Variants in LYRM1 observed in about 807,000 individuals in gnomAD.
LYRM1 encodes the protein LYR motif containing 1, also known as LYR motif-containing protein 1.
Under a neutral mutation model 14.9 loss-of-function variants are expected in LYRM1, and 14 were observed. That is an observed-to-expected ratio of 0.94 (90% CI 0.62 to 1.47). LYRM1 has a LOEUF of 1.47. Among genes scored for constraint, LYRM1 ranks in the 40% most tolerant of loss-of-function variants. The pLI is 0.00. For synonymous variants in LYRM1, 43 were observed against 56.2 expected (o/e 0.77, Z 1.05); for missense variants, 153 against 149.9 (o/e 1.02, Z -0.11).
rs1194951290 is a variant in LYRM1, at chr16:20,901,525, GA to G, written c.-1+637del. On this transcript the variant is annotated intron_variant, in intron 1 of 3. Transcript: ENST00000567954. This position sits in a 1 kb window ranked among gnomAD's most constrained non-coding sequence, Gnocchi z 4.6. ...TCCGAGACAATGGGTTTTCTGGGTG[GA>G]GAGAAGAGCCAATGAGAAGGACTTT... 3.3e-5 allele frequency among the ~76,000 whole-genome samples: 5 copies of G among 152,326 alleles called. No homozygotes were observed. Among genetic ancestry groups the G allele is most frequent in the South Asian group, 4.1e-4 (2 of 4,830 alleles).
At chr16:20,905,959 T>C (rs1002699169) in intron 1 of LYRM1, among the ~76,000 whole-genome samples, 1 of 152,212 alleles carries the variant, frequency 6.6e-6, no homozygotes. Flanking sequence ...GATGAGAACA[T>C]ACGTTATCAA....
intron 3 of LYRM1, 149 bp downstream of exon 3, chr16:20,920,363 G>A: frequency 1.5e-6 from 1 of 675,834 alleles, no homozygotes. Context: ...ATTGCATGCT[G>A]CCAGCCCATC....
At chr16:20,921,814 G>GC (rs1375829099) in intron 3 of LYRM1, 1 of 151,620 alleles carries the variant, frequency 6.6e-6, no homozygotes, top group Non-Finnish European at 1.5e-5. Context: ...TACAAAAACA[G>GC]CAATTTTATA....
intron 1 of LYRM1, among the ~76,000 whole-genome samples, chr16:20,907,562 G>A (rs1294304501): frequency 2.0e-5 from 3 of 151,698 alleles, no homozygotes; most frequent in East Asian, 1.9e-4. Flanking sequence ...GGATCTCCCC[G>A]TGTTGCCCAG....
intron 1 of LYRM1, chr16:20,902,371 AATC>A (rs1376462596): frequency 6.6e-6 from 1 of 152,242 alleles, no homozygotes; most frequent in Non-Finnish European, 1.5e-5. Flanking sequence ...GTCGGGGAAA[AATC>A]ATAGTTGGAG....
chr16:20,913,400 C>T lies in LYRM1; in HGVS notation c.1-2156C>T, dbSNP rs984488414. Among the ~76,000 whole-genome samples, 6 of 151,588 alleles carry T rather than the reference C, an allele frequency of 4.0e-5. No homozygotes were observed. The East Asian group carries it at 9.6e-4, about 24-fold the overall frequency. The stretch of plus-strand genomic sequence containing the variant: ...TGATCTTGGCACACTGCAACCTTCA[C>T]CTCCTGGGTTCAGGTGATTCTCGTG... On this transcript the variant is annotated intron_variant, in intron 1 of 3. Transcript: ENST00000567954.
In LYRM1 at chr16:20,901,386, G is replaced by A. The variant is rs915617868; in HGVS notation, c.-1+497G>A. Among the ~76,000 whole-genome samples, 1 of 152,220 alleles carries A rather than the reference G, an allele frequency of 6.6e-6. No individual in the cohort carries two copies. The highest frequency in any genetic ancestry group is 1.9e-4 in the East Asian group (1 of 5,202). On this transcript the variant is annotated intron_variant, in intron 1 of 3. Transcript: ENST00000567954. The surrounding 1 kb of genome is among the most constrained non-coding windows in gnomAD (Gnocchi z 4.6). The stretch of plus-strand genomic sequence containing the variant: ...GAGAGTTAAGTAAATCAATAAAGAA[G>A]GTATCAGCAAGTGAGAAATGCCCCC...
intron 1 of LYRM1, among the ~76,000 whole-genome samples, chr16:20,909,048 T>C (rs933329989): frequency 6.6e-5 from 10 of 152,352 alleles, no homozygotes; most frequent in African/African-American, 2.4e-4. Flanking sequence ...TTTTCTAATA[T>C]ACAGTTTGTA....
At chr16:20,904,879 G>A (rs537151046) in intron 1 of LYRM1, among the ~76,000 whole-genome samples, 2 of 152,276 alleles carry the variant, frequency 1.3e-5, no homozygotes, top group East Asian at 3.9e-4. Context: ...CAAGGAGTAA[G>A]AGATAAAGGA....
chr16:20,916,590 A>C (rs2082914382), intron 2 of LYRM1, among the ~76,000 whole-genome samples: 1 of 152,144 alleles, frequency 6.6e-6, no homozygotes, highest in Non-Finnish European at 1.5e-5. Flanking sequence ...GGCCTGTGCA[A>C]CATGCAGCCA....
intron 1 of LYRM1, among the ~76,000 whole-genome samples, chr16:20,914,281 T>C (rs1412893963): frequency 2.1e-5 from 3 of 142,250 alleles, no homozygotes; most frequent in African/African-American, 5.1e-5. Context: ...TCGTCACTTT[T>C]TTTTTTTTTT....
chr16:20,907,227 A>G (rs1301073018), intron 1 of LYRM1, among the ~76,000 whole-genome samples: 1 of 152,242 alleles, frequency 6.6e-6, no homozygotes, highest in Admixed American at 6.5e-5. Context: ...TCCAGCTTGC[A>G]TAAAATCTAC....
At chr16:20,920,930 TAAA>T (rs1203528584) in intron 3 of LYRM1, among the ~76,000 whole-genome samples, 1 of 89,034 alleles carries the variant, frequency 1.1e-5, no homozygotes, top group South Asian at 3.7e-4. Flanking sequence ...AAATTTAAAA[TAAA>T]AAAATTATAT....
chr16:20,912,627 T>A (rs1287786854), intron 1 of LYRM1, among the ~76,000 whole-genome samples: 1 of 152,090 alleles, frequency 6.6e-6, no homozygotes, highest in African/African-American at 2.4e-5. Context: ...GCAAAATAGA[T>A]AGTACATTGG....
rs57867769 is a variant in LYRM1 at position 20,918,047 on chromosome 16, C to T, written c.160-2075C>T. Among the ~76,000 whole-genome samples the T allele has an allele frequency of 5.1e-3, 778 of 152,148 alleles. 5 individuals are homozygous for T. Among genetic ancestry groups the T allele is most frequent in the African/African-American group, 0.016 (657 of 41,500 alleles). ...GCTTCCCCCTCAACCCCATGCTGGC[C>T]GCCTGTTCTGAATTCCTATAGCTGT... On this transcript the variant is annotated intron_variant, in intron 2 of 3. Coordinates refer to ENST00000567954, the MANE Select transcript of LYRM1 (RefSeq NM_001128302.3).
chr16:20,914,793 C>T (rs1324579827), intron 1 of LYRM1, among the ~76,000 whole-genome samples: 1 of 152,186 alleles, frequency 6.6e-6, no homozygotes, highest in African/African-American at 2.4e-5. Flanking sequence ...CAGGTGGCCA[C>T]TGTCCCCATC....
At chr16:20,919,339 G>A (rs764152001) in intron 2 of LYRM1, among the ~76,000 whole-genome samples, 2 of 152,116 alleles carry the variant, frequency 1.3e-5, no homozygotes, top group Non-Finnish European at 2.9e-5. Context: ...CATGAGGGGG[G>A]TGTGAAGAAG....
intron 1 of LYRM1, among the ~76,000 whole-genome samples, chr16:20,914,298 T>C (rs1243833627): frequency 1.0e-5 from 1 of 96,240 alleles, no homozygotes; most frequent in African/African-American, 3.4e-5. Context: ...TTTTTTTTTT[T>C]TCTTTTTGGA....
At chr16:20,912,865 G>A (rs1199612622) in intron 1 of LYRM1, among the ~76,000 whole-genome samples, 5 of 151,834 alleles carry the variant, frequency 3.3e-5, no homozygotes, top group South Asian at 2.1e-4. Flanking sequence ...TCAGGAGCTC[G>A]AGACCAGCCT....
Sources: allele counts gnomAD v4.1 joint callset (sites outside exome capture counted in the v4.1 genomes callset), GRCh38; gene constraint gnomAD v4.1.1; non-coding constraint Gnocchi (gnomAD v3.1); transcripts MANE v1.5; gene names NCBI Gene and HGNC (gene_info 2026-07-23, HGNC 2026-07-21).